Variants in MALRD1 observed in about 807,000 individuals in gnomAD.
MALRD1 encodes the protein MAM and LDL-receptor class A domain-containing protein 1.
MALRD1 carries 247 observed loss-of-function variants against 242.1 expected under a neutral mutation model. The observed-to-expected ratio is 1.02, with a 90% CI of 0.92 to 1.13. The LOEUF (loss-of-function observed/expected upper bound fraction) is 1.13, where lower values mean the gene tolerates loss of function less well. Among genes scored for constraint, MALRD1 ranks in the 50% most tolerant of loss-of-function variants. The pLI, the probability that MALRD1 is intolerant of heterozygous loss-of-function variation, is 0.00. For synonymous variants in MALRD1, 995 were observed against 866.6 expected (o/e 1.15, Z -2.60); for missense variants, 2,989 against 2,533.1 (o/e 1.18, Z -3.86).
intron 34 of MALRD1, among the ~76,000 whole-genome samples, chr10:19,603,104 G>A (rs1337847665): frequency 6.6e-6 from 1 of 152,092 alleles, no homozygotes; most frequent in African/African-American, 2.4e-5. Flanking sequence ...CCCTTTGTCA[G>A]ATGAGTAGAT....
intron 32 of MALRD1, among the ~76,000 whole-genome samples, chr10:19,556,785 G>T (rs767011891): frequency 3.4e-4 from 52 of 152,236 alleles, no homozygotes; most frequent in Non-Finnish European, 6.5e-4. Context: ...AAGTAGTACA[G>T]TTGCTGGTTC....
chr10:19,331,278 GA>G (rs1487799121), intron 23 of MALRD1, 90 bp from the exon 24 acceptor site: 1 of 1,060,842 alleles, frequency 9.4e-7, no homozygotes, highest in African/African-American at 1.6e-5. Flanking sequence ...ACAAAAAACA[GA>G]TTCACGATTG....
intron 28 of MALRD1, among the ~76,000 whole-genome samples, chr10:19,439,029 A>G (rs1271256001): frequency 2.0e-5 from 3 of 152,202 alleles, no homozygotes; most frequent in Non-Finnish European, 4.4e-5. Context: ...TGATGAGGTC[A>G]TAGATATGTT....
intron 28 of MALRD1, among the ~76,000 whole-genome samples, chr10:19,393,593 C>T (rs1206054681): frequency 1.3e-5 from 2 of 150,646 alleles, no homozygotes; most frequent in South Asian, 2.1e-4. Flanking sequence ...CTACAGGCGC[C>T]GGCCACCACG....
At chr10:19,364,275 T>C (rs1175583724) in intron 26 of MALRD1, among the ~76,000 whole-genome samples, 1 of 152,190 alleles carries the variant, frequency 6.6e-6, no homozygotes, top group African/African-American at 2.4e-5. Context: ...TTAAATTTAT[T>C]ACTTGATATG....
At chr10:19,705,804 TAAAAA>T in intron 38 of MALRD1, among the ~76,000 whole-genome samples, 1 of 102,876 alleles carries the variant, frequency 9.7e-6, no homozygotes, top group African/African-American at 4.8e-5. Context: ...CCTGCAATAG[TAAAAA>T]AAAAAAAAAG....
At chr10:19,124,935 CTTTTTTTTTTTTTTTT>C (rs1173453764) in intron 7 of MALRD1, among the ~76,000 whole-genome samples, 3 of 52,590 alleles carry the variant, frequency 5.7e-5, no homozygotes, top group East Asian at 7.0e-4. Flanking sequence ...TATTAAAAGG[CTTTTTTTTTTTTTTTT>C]TTTTTTTTTT....
chr10:19,199,638 T>G (rs1175912974), intron 14 of MALRD1, among the ~76,000 whole-genome samples: 1 of 151,806 alleles, frequency 6.6e-6, no homozygotes, highest in African/African-American at 2.4e-5. Context: ...CCATCTCTAC[T>G]AAAAATACAA....
At chr10:19,586,905 C>T (rs1837445998) in intron 33 of MALRD1, among the ~76,000 whole-genome samples, 1 of 152,246 alleles carries the variant, frequency 6.6e-6, no homozygotes, top group South Asian at 2.1e-4. Context: ...CACTCCGAGC[C>T]AGGTGTGGGA....
intron 26 of MALRD1, among the ~76,000 whole-genome samples, chr10:19,360,033 CCA>C (rs1411179538): frequency 6.6e-6 from 1 of 151,792 alleles, no homozygotes; most frequent in Non-Finnish European, 1.5e-5. Flanking sequence ...ATAATTATCC[CCA>C]TTTACATAAT....
chr10:19,423,499 A>G (rs527766513), intron 28 of MALRD1, among the ~76,000 whole-genome samples: 11 of 152,186 alleles, frequency 7.2e-5, no homozygotes, highest in African/African-American at 2.6e-4. Context: ...CTCTAAGTGA[A>G]TGGTGATGGC....
At chr10:19,454,431 T>TATATATAA (rs1011890675) in intron 29 of MALRD1, among the ~76,000 whole-genome samples, 22 of 136,688 alleles carry the variant, frequency 1.6e-4, no homozygotes, top group South Asian at 6.8e-4. Flanking sequence ...TATATATATA[T>TATATATAA]AATTATATGA....
intron 26 of MALRD1, among the ~76,000 whole-genome samples, chr10:19,382,357 T>A (rs998153064): frequency 5.7e-5 from 1 of 17,440 alleles, no homozygotes; most frequent in Non-Finnish European, 1.4e-4. Flanking sequence ...TGTGTGTGTA[T>A]GTGTGAGTGT....
chr10:19,613,188 T>A (rs1274333777), intron 35 of MALRD1, among the ~76,000 whole-genome samples: 1 of 151,930 alleles, frequency 6.6e-6, no homozygotes, highest in Non-Finnish European at 1.5e-5. Flanking sequence ...GGAAAAACCC[T>A]GAACAGTGGT....
intron 36 of MALRD1, among the ~76,000 whole-genome samples, chr10:19,679,990 T>C (rs1285037372): frequency 1.3e-5 from 2 of 152,222 alleles, no homozygotes; most frequent in Non-Finnish European, 2.9e-5. Context: ...GAGTTCTAGT[T>C]TGATTGTGCT....
intron 27 of MALRD1, among the ~76,000 whole-genome samples, chr10:19,388,480 T>C (rs2130809880): frequency 6.6e-6 from 1 of 152,332 alleles, no homozygotes; most frequent in South Asian, 2.1e-4. Context: ...CTGCCACTCA[T>C]GTGATCATTA....
rs137991772 is a variant in MALRD1 at position 19,646,524 on chromosome 10, G to T, written c.6137+30601G>T. Reference sequence around the variant, plus strand: ...GGAGGCTGAGGCAGGAGAACTGCCTGAACCTGGGAGGCGGAGGTTGCAGTG... The same window carrying T: ...GGAGGCTGAGGCAGGAGAACTGCCTTAACCTGGGAGGCGGAGGTTGCAGTG... On this transcript the variant is annotated intron_variant, in intron 36 of 39. Transcript: ENST00000454679. Among the ~76,000 whole-genome samples, 553 of 152,180 alleles carry T rather than the reference G, an allele frequency of 3.6e-3. 3 individuals are homozygous for T. Among genetic ancestry groups the T allele is most frequent in the African/African-American group, 0.013 (529 of 41,512 alleles).
chr10:19,445,942 C>T (rs190590500), intron 28 of MALRD1, among the ~76,000 whole-genome samples: 68 of 152,292 alleles, frequency 4.5e-4, no homozygotes, highest in Middle Eastern at 3.4e-3. Context: ...GTGGTGGGCT[C>T]CACCCAGATT....
intron 18 of MALRD1, among the ~76,000 whole-genome samples, chr10:19,250,954 ATATTAT>A (rs1230693073): frequency 6.6e-6 from 1 of 151,580 alleles, no homozygotes; most frequent in Non-Finnish European, 1.5e-5. Flanking sequence ...TTCTCTTTTA[ATATTAT>A]TATTATTATT....
Sources: gnomAD v4.1 joint callset for allele counts (sites outside exome capture counted in the v4.1 genomes callset) on GRCh38, gnomAD v4.1.1 for gene constraint, MANE v1.5 for transcripts, NCBI Gene and HGNC (gene_info 2026-07-23, HGNC 2026-07-21) for gene names.